The following NEO1 variants were observed in gnomAD, a reference collection of about 807,000 sequenced individuals.
NEO1 encodes the protein neogenin 1.
A neutral mutation model predicts 159.7 loss-of-function variants in NEO1; 63 were observed. The ratio of observed to expected loss-of-function variants is 0.39; its 90% CI spans 0.32 to 0.49. NEO1 has a LOEUF of 0.49. Among genes scored for constraint, NEO1 ranks in the 20% least tolerant of loss-of-function variants. The pLI is 0.85. For synonymous variants in NEO1, 633 were observed against 662.0 expected, an observed-to-expected ratio of 0.96 and a Z score of 0.67; for missense variants, 1,615 against 1,831.0, an observed-to-expected ratio of 0.88 and a Z score of 2.15.
intron 1 of NEO1, among the ~76,000 whole-genome samples, chr15:73,090,354 CTAT>C (rs1366697261): frequency 6.6e-6 from 1 of 151,964 alleles, no homozygotes; most frequent in Non-Finnish European, 1.5e-5. Flanking sequence ...GCTGCCAAGC[CTAT>C]TACTCCATGC....
At chr15:73,294,652 G>A (rs1438933930) in intron 26 of NEO1, among the ~76,000 whole-genome samples, 1 of 152,034 alleles carries the variant, frequency 6.6e-6, no homozygotes, top group Admixed American at 6.6e-5. Flanking sequence ...CGATTCTCCT[G>A]CCTCAGCCTC....
chr15:73,086,477 G>A (rs868818309), intron 1 of NEO1, among the ~76,000 whole-genome samples: 2 of 151,672 alleles, frequency 1.3e-5, no homozygotes, highest in African/African-American at 4.8e-5. Context: ...ATTATGACTG[G>A]AATTGTATTA....
At chr15:73,112,617 T>C (rs2071064819) in intron 1 of NEO1, among the ~76,000 whole-genome samples, 2 of 152,280 alleles carry the variant, frequency 1.3e-5, no homozygotes, top group East Asian at 1.9e-4. Flanking sequence ...TGAGTGGCAT[T>C]GTAGTATAAC....
At chr15:73,263,473 G>C (rs1489835702) in intron 15 of NEO1, among the ~76,000 whole-genome samples, 2 of 152,064 alleles carry the variant, frequency 1.3e-5, no homozygotes, top group Non-Finnish European at 2.9e-5. Flanking sequence ...GGGATTACAG[G>C]CGTGAGCCAC....
chr15:73,077,250 G>C (rs566377162), intron 1 of NEO1, among the ~76,000 whole-genome samples: 3 of 152,080 alleles, frequency 2.0e-5, no homozygotes, highest in Admixed American at 2.0e-4. Flanking sequence ...TGCCATGTTG[G>C]CCAGGCTGGT....
chr15:73,211,540 C>A (rs969495716), intron 7 of NEO1, among the ~76,000 whole-genome samples: 5 of 152,162 alleles, frequency 3.3e-5, no homozygotes, highest in African/African-American at 1.2e-4. Context: ...CATGGTGAAA[C>A]CCCGTCTCTA....
chr15:73,240,513 T>C (rs539361375), intron 8 of NEO1, among the ~76,000 whole-genome samples: 68 of 152,346 alleles, frequency 4.5e-4, no homozygotes, highest in African/African-American at 1.6e-3. Flanking sequence ...AGTGGACGTT[T>C]GGAGCCAGAT....
At chr15:73,256,840 G>A (rs1452015270) in intron 13 of NEO1, among the ~76,000 whole-genome samples, 1 of 152,066 alleles carries the variant, frequency 6.6e-6, no homozygotes, top group African/African-American at 2.4e-5. Flanking sequence ...TGTAATCCCA[G>A]CACTTTGAGA....
intron 1 of NEO1, among the ~76,000 whole-genome samples, chr15:73,059,137 C>CT (rs1400966211): frequency 6.6e-6 from 1 of 152,090 alleles, no homozygotes; most frequent in African/African-American, 2.4e-5. Context: ...ATATTAGATG[C>CT]TTACTCTTAG....
At chr15:73,062,367 A>C (rs748270696) in intron 1 of NEO1, among the ~76,000 whole-genome samples, 30 of 152,090 alleles carry the variant, frequency 2.0e-4, no homozygotes, top group Non-Finnish European at 3.5e-4. Context: ...TGAATCATTG[A>C]TTCATTTATA....
chr15:73,234,170 T>C (rs1476340148), intron 7 of NEO1, among the ~76,000 whole-genome samples: 1 of 152,220 alleles, frequency 6.6e-6, no homozygotes, highest in Non-Finnish European at 1.5e-5. Context: ...CAAATGAGGC[T>C]GCAAAGCAAG....
intron 1 of NEO1, among the ~76,000 whole-genome samples, chr15:73,063,724 C>T (rs928907006): frequency 3.3e-5 from 5 of 151,988 alleles, no homozygotes; most frequent in South Asian, 2.1e-4. Flanking sequence ...AGAAATGTTC[C>T]GTAAGCTGTT....
intron 7 of NEO1, among the ~76,000 whole-genome samples, chr15:73,223,428 G>A (rs1313083214): frequency 6.6e-6 from 1 of 152,026 alleles, no homozygotes; most frequent in South Asian, 2.1e-4. Flanking sequence ...CATTTCTTAG[G>A]TCTGTTAGTA....
At chr15:73,216,749 T>C (rs2037909662) in intron 7 of NEO1, among the ~76,000 whole-genome samples, 1 of 152,220 alleles carries the variant, frequency 6.6e-6, no homozygotes, top group Admixed American at 6.5e-5. Flanking sequence ...AAGTGTCTGT[T>C]CATGTCCTTC....
chr15:73,178,489 C>T lies in NEO1; in HGVS notation c.1291+62C>T, dbSNP rs535354474. The T allele has an allele frequency of 7.6e-6, 12 of 1,583,424 alleles. No homozygotes were observed. In the East Asian group the frequency reaches 9.1e-5, roughly 12 times the overall value. ...TGTGCTTGATGAACAAGCACCCATC[C>T]GTCCAAATAACTCATGATTGATAAC... On this transcript the variant is annotated intron_variant, in intron 7 of 28. Coordinates refer to ENST00000261908, the MANE Select transcript of NEO1 (RefSeq NM_002499.4).
rs558479713 is a variant in NEO1, at chr15:73,286,920, T to C, written c.3411-1393T>C. Among the ~76,000 whole-genome samples, 3 of 152,322 alleles carry C rather than the reference T, an allele frequency of 2.0e-5. No individual in the cohort carries two copies. In the East Asian group the frequency reaches 5.8e-4, roughly 29 times the overall value. ...GATTGCAGTAGCATCCTAGCTGGTCTCCTCTTCTATCCCCAACCCCACAGA... is the reference window on the plus strand; with the variant it reads ...GATTGCAGTAGCATCCTAGCTGGTCCCCTCTTCTATCCCCAACCCCACAGA... On this transcript the variant is annotated intron_variant, in intron 23 of 28. Coordinates refer to ENST00000261908, the MANE Select transcript of NEO1 (RefSeq NM_002499.4).
At chr15:73,111,969 A>G (rs1490146997) in intron 1 of NEO1, among the ~76,000 whole-genome samples, 1 of 152,096 alleles carries the variant, frequency 6.6e-6, no homozygotes, top group African/African-American at 2.4e-5. Flanking sequence ...TACATACAAG[A>G]TGATTTTTGT....
intron 7 of NEO1, among the ~76,000 whole-genome samples, chr15:73,231,183 G>A (rs1024519337): frequency 4.6e-5 from 7 of 152,044 alleles, no homozygotes; most frequent in Non-Finnish European, 1.0e-4. Context: ...GTTAAATAAC[G>A]CTGTCAACCA....
At chr15:73,100,033 C>G (rs889429858) in intron 1 of NEO1, among the ~76,000 whole-genome samples, 4 of 152,158 alleles carry the variant, frequency 2.6e-5, no homozygotes, top group Non-Finnish European at 2.9e-5. Flanking sequence ...CATTCCAAAT[C>G]TACCATTGTT....
Sources: gnomAD v4.1 joint callset for allele counts (sites outside exome capture counted in the v4.1 genomes callset) on GRCh38, gnomAD v4.1.1 for gene constraint, MANE v1.5 for transcripts, NCBI Gene and HGNC (gene_info 2026-07-23, HGNC 2026-07-21) for gene names.